The following PSMD5 variants were observed in gnomAD, a reference collection of about 807,000 sequenced individuals.
The protein encoded by PSMD5 is 26S proteasome non-ATPase regulatory subunit 5.
A neutral mutation model predicts 52.1 loss-of-function variants in PSMD5; 40 were observed. The ratio of observed to expected loss-of-function variants is 0.77; its 90% confidence interval spans 0.60 to 1.00. PSMD5 has a LOEUF of 1.00. PSMD5 is among the 50% of genes least tolerant of loss of function. The pLI, the probability that PSMD5 is intolerant of heterozygous loss-of-function variation, is 0.00. For missense variants in PSMD5, 575 were observed against 605.2 expected, an observed-to-expected ratio of 0.95 and a Z score of 0.52; for synonymous variants, 211 against 226.6, an observed-to-expected ratio of 0.93 and a Z score of 0.62.
At chr9:120,824,348 C>A in intron 7 of PSMD5, 146 bp downstream of exon 7, 34 of 686,432 alleles carry the variant, frequency 5.0e-5, no homozygotes, top group East Asian at 9.0e-5. Flanking sequence ...ATTAGATTTT[C>A]AGACATGAGT....
In PSMD5 at chr9:120,842,830, G is replaced by T. The variant is rs1174342059; in HGVS notation, c.80C>A (p.Ser27Tyr). 1 of 1,610,826 alleles carries T rather than the reference G, an allele frequency of 6.2e-7. No individual in the cohort carries two copies. Among genetic ancestry groups the T allele is most frequent in the South Asian group, 1.1e-5 (1 of 90,874 alleles). The change falls in exon 1 of 10, where the codon TCC becomes TAC. Residue 27 changes from serine (S) to tyrosine (Y), a missense_variant. Physicochemically the swap from Ser to Tyr is moderately radical, Grantham distance 144. Transcript: ENST00000210313. ...APLEELRALH[S>Y]VLQAVPLNEL... is the part of the protein sequence containing the mutation. ...GTTGAGCGGCACTGCCTGCAGCACG[G>T]AGTGAAGCGCGCGTAGCTCCTCCAG...
intron 1 of PSMD5, among the ~76,000 whole-genome samples, chr9:120,838,043 TC>T (rs1254012729): frequency 1.3e-5 from 2 of 152,110 alleles, no homozygotes; most frequent in Non-Finnish European, 2.9e-5. Context: ...TATGATCCCT[TC>T]CCCCCATGTC....
chr9:120,842,520 G>A (rs2131442727), intron 1 of PSMD5: 1 of 594,042 alleles, frequency 1.7e-6, no homozygotes, highest in East Asian at 2.9e-5. Flanking sequence ...AGGCAGCGAG[G>A]CCAGGCGACG....
intron 8 of PSMD5, 50 bp downstream of exon 8, chr9:120,821,305 A>G: frequency 8.2e-7 from 1 of 1,217,924 alleles, no homozygotes; most frequent in Non-Finnish European, 1.2e-6. Context: ...ATACAGATTT[A>G]TTCTCCCAAA....
At chr9:120,823,722 A>G (rs890922276) in intron 7 of PSMD5, among the ~76,000 whole-genome samples, 1 of 151,902 alleles carries the variant, frequency 6.6e-6, no homozygotes, top group African/African-American at 2.4e-5. Context: ...CATGTTGCCC[A>G]GCCTGGTCTT....
chr9:120,834,546 T>TA (rs2131433107), intron 1 of PSMD5, among the ~76,000 whole-genome samples: 1 of 152,334 alleles, frequency 6.6e-6, no homozygotes, highest in Non-Finnish European at 1.5e-5. Flanking sequence ...CATAGTATTA[T>TA]ACTTTCAAGG....
intron 1 of PSMD5, among the ~76,000 whole-genome samples, chr9:120,834,207 C>T (rs1299182103): frequency 1.3e-5 from 2 of 151,900 alleles, no homozygotes; most frequent in African/African-American, 4.8e-5. Flanking sequence ...ATCTCGATCT[C>T]CTGACCTTGT....
chr9:120,833,974 C>G (rs913085033), intron 1 of PSMD5, among the ~76,000 whole-genome samples: 7 of 128,112 alleles, frequency 5.5e-5, no homozygotes, highest in Non-Finnish European at 1.1e-4. Context: ...CCGCACCTGG[C>G]CTTTTTTTTT....
intron 1 of PSMD5, among the ~76,000 whole-genome samples, chr9:120,836,427 C>T (rs542384483): frequency 8.7e-4 from 127 of 146,452 alleles, no homozygotes; most frequent in Admixed American, 1.4e-3. Flanking sequence ...GATGGAGTCT[C>T]GCTCTGTTGC....
chr9:120,833,413 G>A lies in PSMD5; in HGVS notation c.217C>T (p.Gln73Ter). The A allele has an allele frequency of 6.2e-7, 1 of 1,613,998 alleles. No individual in the cohort carries two copies. The highest frequency in any genetic ancestry group is 8.5e-7 in the Non-Finnish European group (1 of 1,179,926). The change falls in exon 2 of 10, where the codon CAA becomes TAA. Residue 73 changes from glutamine (Q) to a stop codon, truncating the protein, a stop_gained. Coordinates refer to ENST00000210313, the MANE Select transcript of PSMD5 (RefSeq NM_005047.4). LOFTEE classifies it high-confidence loss of function. ...GCCACGTGAACCGGTTCCATAGCTT[G>A]GAGCAATCTCTCCAGAATGGATACA... ...LCVSILERLL[Q>*]AMEPVHVARN...
chr9:120,828,942 T>G (rs1588069369), intron 5 of PSMD5, among the ~76,000 whole-genome samples, 157 bp downstream of exon 5: 1 of 152,326 alleles, frequency 6.6e-6, no homozygotes, highest in African/African-American at 2.4e-5. Context: ...ACGATGTAAC[T>G]TGAACAATTT....
Position 120,842,849 on chromosome 9 carries a change from C to A in PSMD5, c.61G>T (p.Glu21Ter). Residue 21 changes from glutamate (E) to a stop codon, truncating the protein, a stop_gained, in exon 1 of 10, where the codon GAG becomes TAG. Coordinates refer to ENST00000210313, the MANE Select transcript of PSMD5 (RefSeq NM_005047.4). LOFTEE classifies it high-confidence loss of function. Reference protein sequence around the residue: ...EVARLEAPLEELRALHSVLQA... With the variant: ...EVARLEAPLE ...AGCACGGAGTGAAGCGCGCGTAGCT[C>A]CTCCAGCGGCGCTTCCAGCCTCGCT... is the stretch of plus-strand genomic sequence containing the variant. The A allele has an allele frequency of 6.2e-7, 1 of 1,607,318 alleles. No individual in the cohort carries two copies. Among genetic ancestry groups the A allele is most frequent in the Non-Finnish European group, 8.5e-7 (1 of 1,178,810 alleles).
chr9:120,826,641 A>G (rs1346764063), intron 6 of PSMD5, 124 bp downstream of exon 6: 2 of 1,219,252 alleles, frequency 1.6e-6, no homozygotes, highest in Admixed American at 5.7e-5. Context: ...AAATCAGCTC[A>G]TTAAGGAAAT....
chr9:120,820,861 C>T lies in PSMD5; in HGVS notation c.1235G>A (p.Cys412Tyr). 1.3e-6 allele frequency: 2 copies of T among 1,595,080 alleles called. No individual in the cohort carries two copies. Among genetic ancestry groups the T allele is most frequent in the South Asian group, 1.1e-5 (1 of 87,830 alleles). The part of the protein sequence containing the change: ...ISSQPFPELH[C>Y]AALKVFTAIA... ...TACCGTAAACACTTTTAAGGCAGCA[C>T]AGTGTAGTTCAGGGAAGGGCTGACT... Residue 412 changes from cysteine (C) to tyrosine (Y), a missense_variant, in exon 9 of 10, where the codon TGT (cysteine) becomes TAT (tyrosine). By Grantham distance (194) the Cys-to-Tyr change is radical. Transcript: ENST00000210313.
rs2045219415 is a variant in PSMD5 at position 120,839,550 on chromosome 9, CA to C, written c.173+3186del. The stretch of plus-strand genomic sequence containing the variant: ...GACCCAAATAATGTTAACTGATAGA[CA>C]TCATGAATGGAGAACACTTACAGAA... On this transcript the variant is annotated intron_variant, in intron 1 of 9. Transcript: ENST00000210313. 2.0e-5 allele frequency among the ~76,000 whole-genome samples: 3 copies of C among 152,244 alleles called. No homozygotes were observed. In the South Asian group the frequency reaches 6.2e-4, roughly 32 times the overall value.
At chr9:120,829,954 T>C (rs1428552708) in intron 4 of PSMD5, among the ~76,000 whole-genome samples, 1 of 152,144 alleles carries the variant, frequency 6.6e-6, no homozygotes, top group East Asian at 1.9e-4. Flanking sequence ...GATTTGGACT[T>C]TTAAAAGACC....
At chr9:120,829,497 G>A (rs771475854) in intron 4 of PSMD5, among the ~76,000 whole-genome samples, 20 of 152,114 alleles carry the variant, frequency 1.3e-4, no homozygotes, top group Admixed American at 3.3e-4. Context: ...GAGTTCAAGC[G>A]ATTCTCGTGC....
At chr9:120,832,393 CTTTTT>C (rs35785525) in intron 2 of PSMD5, among the ~76,000 whole-genome samples, 2 of 126,908 alleles carry the variant, frequency 1.6e-5, no homozygotes. Context: ...TTCCCCCAAC[CTTTTT>C]TTTTTTTTTT....
At position 120,817,860 on chromosome 9, in the gene PSMD5, G is replaced by T; in HGVS notation, c.*46C>A. ...ATAGATGGAGTCAAATGCCTTAGGA[G>T]AAGTTTTGGTCAAAACGTGGTCCTC... On this transcript the variant is annotated 3_prime_UTR_variant, in exon 10 of 10. Coordinates refer to ENST00000210313, the MANE Select transcript of PSMD5 (RefSeq NM_005047.4). 1 of 1,552,756 alleles carries T rather than the reference G, an allele frequency of 6.4e-7. No individual in the cohort carries two copies. Among genetic ancestry groups the T allele is most frequent in the African/African-American group, 1.4e-5 (1 of 73,022 alleles).
Sources: gnomAD v4.1 joint callset for allele counts (sites outside exome capture counted in the v4.1 genomes callset) on GRCh38, gnomAD v4.1.1 for gene constraint, MANE v1.5 for transcripts, NCBI Gene and HGNC (gene_info 2026-07-23, HGNC 2026-07-21) for gene names.